The following RERE variants were observed in gnomAD, a reference collection of about 807,000 sequenced individuals.
RERE encodes the protein arginine-glutamic acid dipeptide repeats protein.
Under a neutral mutation model 146.1 loss-of-function variants are expected in RERE, and 40 were observed. The observed-to-expected ratio is 0.27, with a 90% confidence interval of 0.21 to 0.36. The LOEUF is 0.36. RERE is among the 10% of genes least tolerant of loss of function. RERE has a pLI of 1.00. For missense variants in RERE, 1,933 were observed against 2,138.7 expected (o/e 0.90, Z 1.90); for synonymous variants, 1,003 against 866.0 (o/e 1.16, Z -2.78).
At chr1:8,415,232 G>GT (rs1303371869) in intron 12 of RERE, among the ~76,000 whole-genome samples, 2 of 152,180 alleles carry the variant, frequency 1.3e-5, no homozygotes, top group Admixed American at 6.5e-5. Flanking sequence ...ACCACAACTT[G>GT]TAAGTCTTTC....
In RERE at chr1:8,399,491, G is replaced by A. The variant is rs189712061; in HGVS notation, c.1284+23236C>T. Among the ~76,000 whole-genome samples, 51 of 152,188 alleles carry A rather than the reference G, an allele frequency of 3.4e-4. 1 individual carries two copies. The highest frequency in any genetic ancestry group is 8.5e-4 in the Admixed American group (13 of 15,284). On this transcript the variant is annotated intron_variant, in intron 12 of 22. Transcript: ENST00000400908. ...ATAGTTCTGCCCCCATTACACTGAC[G>A]TCTCTATTTTGCATCAATACCACCA... is the stretch of plus-strand genomic sequence containing the variant.
At chr1:8,567,852 G>A (rs552557878) in intron 4 of RERE, among the ~76,000 whole-genome samples, 5 of 152,308 alleles carry the variant, frequency 3.3e-5, no homozygotes, top group Non-Finnish European at 5.9e-5. Flanking sequence ...TAAACTGTAC[G>A]TCAAGGGGAC....
At chr1:8,503,223 T>C (rs1570356083) in intron 8 of RERE, among the ~76,000 whole-genome samples, 1 of 152,276 alleles carries the variant, frequency 6.6e-6, no homozygotes, top group East Asian at 1.9e-4. Flanking sequence ...TAAAGCCAAA[T>C]GTTTGACAAC....
In RERE at chr1:8,656,025, G is replaced by A. The variant is rs775336649; in HGVS notation, c.273C>T (p.Thr91=). 27 of 1,613,904 alleles carry A rather than the reference G, an allele frequency of 1.7e-5. No individual in the cohort carries two copies. Among genetic ancestry groups the A allele is most frequent in the Middle Eastern group, 1.6e-4 (1 of 6,084 alleles). Reference sequence around the variant, plus strand: ...CAGTGATGTAGGATGTTATCTCACCGGTATCTGTCCTTTCATAACGAGACT... The same window carrying A: ...CAGTGATGTAGGATGTTATCTCACCAGTATCTGTCCTTTCATAACGAGACT... The part of the protein sequence containing the change: ...KKKSRYERTD[T]GEITSYITED... The change falls in exon 2 of 23, where the codon ACC becomes ACT. Residue 91 remains threonine (T), a synonymous_variant. Coordinates refer to ENST00000400908, the MANE Select transcript of RERE (RefSeq NM_001042681.2).
intron 4 of RERE, among the ~76,000 whole-genome samples, chr1:8,560,752 G>C (rs1646068733): frequency 6.6e-6 from 1 of 152,204 alleles, no homozygotes; most frequent in Non-Finnish European, 1.5e-5. Context: ...GAAGAACTGT[G>C]CCGAGAAGTG....
Position 8,715,252 on chromosome 1 carries a change from C to T in RERE, c.-144-58811G>A, listed in dbSNP as rs188792029. Among the ~76,000 whole-genome samples, 15 of 151,938 alleles carry T rather than the reference C, an allele frequency of 9.9e-5. No individual in the cohort carries two copies. In the East Asian group the frequency reaches 2.7e-3, roughly 28 times the overall value. On this transcript the variant is annotated intron_variant, in intron 1 of 22. Coordinates refer to ENST00000400908, the MANE Select transcript of RERE (RefSeq NM_001042681.2). ...TTCGGCTGGGTGCGGTGGCTCACAC[C>T]TGTAATCCCAGCACTTTGGGAGGCC... is the stretch of plus-strand genomic sequence containing the variant.
intron 12 of RERE, among the ~76,000 whole-genome samples, chr1:8,407,060 C>A (rs1254579668): frequency 6.6e-6 from 1 of 152,170 alleles, no homozygotes; most frequent in Non-Finnish European, 1.5e-5. Flanking sequence ...GGATGAAGTC[C>A]AGAAAGTGCT....
chr1:8,634,518 T>C (rs1487422830), intron 2 of RERE, among the ~76,000 whole-genome samples: 1 of 152,228 alleles, frequency 6.6e-6, no homozygotes, highest in Non-Finnish European at 1.5e-5. Context: ...ACCAGCTTAC[T>C]TGAAATCTAT....
At chr1:8,369,526 A>G (rs1184975825) in intron 12 of RERE, among the ~76,000 whole-genome samples, 1 of 148,226 alleles carries the variant, frequency 6.7e-6, no homozygotes, top group Non-Finnish European at 1.5e-5. Context: ...AAAAAAAAAA[A>G]AAAAAAAAAA....
intron 2 of RERE, among the ~76,000 whole-genome samples, chr1:8,650,327 G>A (rs1446412294): frequency 2.0e-5 from 3 of 152,160 alleles, no homozygotes; most frequent in Non-Finnish European, 2.9e-5. Context: ...TCCCTGCTAT[G>A]CTCATTCTCA....
At chr1:8,643,646 A>G (rs1459074731) in intron 2 of RERE, among the ~76,000 whole-genome samples, 1 of 152,240 alleles carries the variant, frequency 6.6e-6, no homozygotes, top group African/African-American at 2.4e-5. Flanking sequence ...CTGAGAATAC[A>G]TGAAAACAAC....
Position 8,356,085 on chromosome 1 carries a change from G to T in RERE, c.4486+15C>A. The stretch of plus-strand genomic sequence containing the variant: ...TCACACGGCCTCCCCGCCCCTCCTG[G>T]AGGGGAAGTCTTACCGAAAACTGGG... On this transcript the variant is annotated intron_variant, in intron 21 of 22. Coordinates refer to ENST00000400908, the MANE Select transcript of RERE (RefSeq NM_001042681.2). This position sits in a 1 kb window ranked among gnomAD's most constrained non-coding sequence, Gnocchi z 5.2. 1 of 1,483,198 alleles carries T rather than the reference G, an allele frequency of 6.7e-7. No individual in the cohort carries two copies. The highest frequency in any genetic ancestry group is 2.7e-5 in the East Asian group (1 of 36,912). The allele number at this position is 1,483,198 out of a possible 1,614,324, so 91.9% of individuals were successfully genotyped here. A position where few individuals can be genotyped will look rare whatever the true frequency, so the allele number is the denominator to read the frequency against.
At chr1:8,663,994 C>A (rs1638513543) in intron 1 of RERE, among the ~76,000 whole-genome samples, 1 of 152,186 alleles carries the variant, frequency 6.6e-6, no homozygotes, top group African/African-American at 2.4e-5. Context: ...TCTCTTTGCC[C>A]CCCAATCCTG....
intron 7 of RERE, among the ~76,000 whole-genome samples, chr1:8,536,147 A>G (rs1291231585): frequency 6.6e-6 from 1 of 152,082 alleles, no homozygotes; most frequent in Non-Finnish European, 1.5e-5. Context: ...TCTTGTCTCT[A>G]AAAGAAAATT....
At position 8,361,329 on chromosome 1, in the gene RERE, G is replaced by A. The variant is rs747424322; in HGVS notation, c.2178C>T (p.Asp726=). Residue 726 remains aspartate, a synonymous_variant, in exon 18 of 23, where the codon GAC becomes GAT. Coordinates refer to ENST00000400908, the MANE Select transcript of RERE (RefSeq NM_001042681.2). ...GCAGCATCTGCTGCTGGGCTGACGAGTCCGAGTCACTCTCATTGTCCTGGG... is the reference window on the plus strand; with the variant it reads ...GCAGCATCTGCTGCTGGGCTGACGAATCCGAGTCACTCTCATTGTCCTGGG... The part of the protein sequence containing the change: ...PSPQDNESDS[D]SSAQQQMLQA... 1 of 1,612,986 alleles carries A rather than the reference G, an allele frequency of 6.2e-7. No individual in the cohort carries two copies. Among genetic ancestry groups the A allele is most frequent in the South Asian group, 1.1e-5 (1 of 91,032 alleles).
chr1:8,655,717 C>T (rs1267816587), intron 2 of RERE, among the ~76,000 whole-genome samples: 2 of 152,204 alleles, frequency 1.3e-5, no homozygotes, highest in Admixed American at 6.5e-5. Context: ...AGTTAGAGAA[C>T]AAGCAGCACA....
At chr1:8,534,805 A>C (rs772111484) in intron 7 of RERE, among the ~76,000 whole-genome samples, 1 of 152,272 alleles carries the variant, frequency 6.6e-6, no homozygotes, top group African/African-American at 2.4e-5. Flanking sequence ...GGCAGACATC[A>C]CGTCCAGCAA....
intron 1 of RERE, among the ~76,000 whole-genome samples, chr1:8,656,904 A>T (rs1429590355): frequency 6.6e-6 from 1 of 152,216 alleles, no homozygotes; most frequent in African/African-American, 2.4e-5. Context: ...ACTTGAAGCC[A>T]GGAGTTCAAG....
chr1:8,492,284 T>TGGCCA (rs1644989285), intron 10 of RERE, among the ~76,000 whole-genome samples: 1 of 152,174 alleles, frequency 6.6e-6, no homozygotes, highest in Non-Finnish European at 1.5e-5. Context: ...ATGATTTCTA[T>TGGCCA]ACTGAAGTAT....
Sources: allele counts gnomAD v4.1 joint callset (sites outside exome capture counted in the v4.1 genomes callset), GRCh38; gene constraint gnomAD v4.1.1; non-coding constraint Gnocchi (gnomAD v3.1); transcripts MANE v1.5; gene names NCBI Gene and HGNC (gene_info 2026-07-23, HGNC 2026-07-21).